Variants in ANO6 observed in about 807,000 individuals in gnomAD.
ANO6 encodes anoctamin 6.
A neutral mutation model predicts 117.5 loss-of-function variants in ANO6; 106 were observed. The ratio of observed to expected loss-of-function variants is 0.90; its 90% CI spans 0.77 to 1.06. The LOEUF (loss-of-function observed/expected upper bound fraction) is 1.06. ANO6 is among the 50% of genes least tolerant of loss of function. The pLI is 0.00. For synonymous variants in ANO6, 367 were observed against 385.1 expected (o/e 0.95, Z 0.55); for missense variants, 955 against 1,121.1 (o/e 0.85, Z 2.12).
intron 3 of ANO6, among the ~76,000 whole-genome samples, chr12:45,343,121 G>C (rs1295271134): frequency 6.6e-6 from 1 of 152,188 alleles, no homozygotes; most frequent in Non-Finnish European, 1.5e-5. Context: ...GTTTGGAACA[G>C]CTCCCTAGTG....
chr12:45,312,122 A>T lies in ANO6; in HGVS notation c.150+10029A>T, dbSNP rs144175425. On this transcript the variant is annotated intron_variant, in intron 2 of 19. Coordinates refer to ENST00000320560, the MANE Select transcript of ANO6 (RefSeq NM_001025356.3). ...CAGCAAGCTATTTGTTATCTGGGGA[A>T]TGTCAAAATTAATTTGACAAAAACA... 7.8e-4 allele frequency among the ~76,000 whole-genome samples: 118 copies of T among 152,172 alleles called. 2 individuals carry two copies. The East Asian group carries it at 0.023, about 29-fold the overall frequency.
intron 2 of ANO6, among the ~76,000 whole-genome samples, chr12:45,318,186 G>T (rs985008748): frequency 6.6e-5 from 10 of 152,266 alleles, no homozygotes; most frequent in African/African-American, 2.4e-4. Flanking sequence ...TTTTAGACAT[G>T]AAGTCCCTGC....
At chr12:45,315,959 T>C (rs1039796097) in intron 2 of ANO6, among the ~76,000 whole-genome samples, 2 of 152,036 alleles carry the variant, frequency 1.3e-5, no homozygotes, top group African/African-American at 2.4e-5. Flanking sequence ...AGGCTCCACC[T>C]TTCTTCCCTG....
chr12:45,235,704 A>G (rs1453977087), intron 1 of ANO6, among the ~76,000 whole-genome samples: 2 of 152,190 alleles, frequency 1.3e-5, no homozygotes, highest in African/African-American at 4.8e-5. Context: ...AAACAGCTTC[A>G]AGAAAAGTCC....
In ANO6 at chr12:45,429,716, A is replaced by C. The variant is rs1034865866; in HGVS notation, c.*405A>C. 1.5e-5 allele frequency: 17 copies of C among 1,107,486 alleles called. No homozygotes were observed. The highest frequency in any genetic ancestry group is 1.9e-5 in the Non-Finnish European group (17 of 904,836). The allele number at this position is 1,107,486 out of a possible 1,614,324, so 68.6% of individuals were successfully genotyped here. A position where few individuals can be genotyped will look rare whatever the true frequency, so the allele number is the denominator to read the frequency against. ...ATGTTTCATTTCTTCACTTGGCTAGATCTGTTCCAGGGTCATCTTTTCCTT... is the reference window on the plus strand; with the variant it reads ...ATGTTTCATTTCTTCACTTGGCTAGCTCTGTTCCAGGGTCATCTTTTCCTT... On this transcript the variant is annotated 3_prime_UTR_variant, in exon 20 of 20. Coordinates refer to ENST00000320560, the MANE Select transcript of ANO6 (RefSeq NM_001025356.3).
At chr12:45,339,628 A>G (rs753100607) in intron 3 of ANO6, among the ~76,000 whole-genome samples, 1 of 152,128 alleles carries the variant, frequency 6.6e-6, no homozygotes, top group Non-Finnish European at 1.5e-5. Context: ...TAAATTCCTC[A>G]TCAGATCAGT....
chr12:45,270,431 T>C, intron 1 of ANO6: 1 of 1,522,720 alleles, frequency 6.6e-7, no homozygotes, highest in South Asian at 1.2e-5. Flanking sequence ...TATTGGCCTG[T>C]TGTATTTATT....
intron 10 of ANO6, among the ~76,000 whole-genome samples, chr12:45,380,252 T>G (rs1942135370): frequency 6.6e-6 from 1 of 152,216 alleles, no homozygotes; most frequent in South Asian, 2.1e-4. Flanking sequence ...AAGTAAAGGT[T>G]CTAAACACAT....
chr12:45,406,035 C>A (rs150380322), intron 15 of ANO6, among the ~76,000 whole-genome samples: 2,520 of 152,230 alleles, frequency 0.017, 40 homozygotes, highest in South Asian at 0.069. Flanking sequence ...TCAAGAGAAA[C>A]ATGGAGAAAT....
intron 1 of ANO6, among the ~76,000 whole-genome samples, chr12:45,242,934 A>G (rs763538782): frequency 8.3e-4 from 126 of 152,226 alleles, no homozygotes; most frequent in African/African-American, 2.5e-3. Flanking sequence ...GCAAACATGT[A>G]TAGAAAAATC....
intron 1 of ANO6, among the ~76,000 whole-genome samples, chr12:45,227,940 G>A (rs929901296): frequency 6.6e-6 from 1 of 152,162 alleles, no homozygotes; most frequent in Non-Finnish European, 1.5e-5. Context: ...TCTTTGGGCA[G>A]ACTGACAATA....
intron 2 of ANO6, among the ~76,000 whole-genome samples, chr12:45,316,090 T>A (rs968412398): frequency 6.6e-6 from 1 of 152,122 alleles, no homozygotes; most frequent in African/African-American, 2.4e-5. Flanking sequence ...ATTTTCCCGG[T>A]AATTTATCTG....
At chr12:45,399,352 C>T (rs539920166) in intron 12 of ANO6, among the ~76,000 whole-genome samples, 58 of 152,190 alleles carry the variant, frequency 3.8e-4, no homozygotes, top group Middle Eastern at 6.8e-3. Flanking sequence ...CCTGCCACCA[C>T]GCCCAGCTAA....
intron 16 of ANO6, among the ~76,000 whole-genome samples, chr12:45,412,367 G>A (rs754184167): frequency 2.0e-4 from 30 of 152,172 alleles, no homozygotes; most frequent in African/African-American, 3.1e-4. Flanking sequence ...CACCCTTGCC[G>A]TGGTACCTTG....
intron 2 of ANO6, among the ~76,000 whole-genome samples, chr12:45,302,442 A>G (rs1000577107): frequency 1.3e-5 from 2 of 152,230 alleles, no homozygotes; most frequent in Admixed American, 6.5e-5. Context: ...GCAGTCTTTA[A>G]GCATATACAG....
At chr12:45,410,979 A>G (rs1418283266) in intron 16 of ANO6, among the ~76,000 whole-genome samples, 1 of 152,210 alleles carries the variant, frequency 6.6e-6, no homozygotes, top group African/African-American at 2.4e-5. Context: ...GTGTAGCTGC[A>G]GTACATATGT....
chr12:45,230,860 T>G (rs559804405), intron 1 of ANO6, among the ~76,000 whole-genome samples: 1 of 152,282 alleles, frequency 6.6e-6, no homozygotes, highest in South Asian at 2.1e-4. Flanking sequence ...AAGGAAAAAT[T>G]TTAGGCTGGG....
intron 1 of ANO6, among the ~76,000 whole-genome samples, chr12:45,286,989 A>G (rs1230559299): frequency 6.6e-6 from 1 of 152,212 alleles, no homozygotes; most frequent in Non-Finnish European, 1.5e-5. Flanking sequence ...CAGTCATTCA[A>G]GAGATTAATG....
At chr12:45,327,261 T>G (rs1238048333) in intron 2 of ANO6, among the ~76,000 whole-genome samples, 4 of 152,150 alleles carry the variant, frequency 2.6e-5, no homozygotes, top group African/African-American at 4.8e-5. Flanking sequence ...AAATACATAT[T>G]TTGACTATCA....
Sources: gnomAD v4.1 joint callset for allele counts (sites outside exome capture counted in the v4.1 genomes callset) on GRCh38, gnomAD v4.1.1 for gene constraint, MANE v1.5 for transcripts, NCBI Gene and HGNC (gene_info 2026-07-23, HGNC 2026-07-21) for gene names.